FRMD3: variants seen among roughly 807,000 people sequenced by gnomAD.
FRMD3 encodes FERM domain containing 3, also known as FERM domain-containing protein 3.
In FRMD3, 33 loss-of-function variants were observed where a neutral mutation model predicts 70.2. That is an observed-to-expected ratio of 0.47 (90% CI 0.36 to 0.63). The LOEUF (loss-of-function observed/expected upper bound fraction) is 0.63, where lower values mean the gene tolerates loss of function less well. Among genes scored for constraint, FRMD3 ranks in the 20% least tolerant of loss-of-function variants. The probability of loss-of-function intolerance (pLI) is 0.00; values close to 1 mark genes in which losing one functional copy is unlikely to be tolerated. For missense variants in FRMD3, 632 were observed against 711.4 expected, an observed-to-expected ratio of 0.89 and a Z score of 1.27; for synonymous variants, 279 against 255.9, an observed-to-expected ratio of 1.09 and a Z score of -0.86.
intron 3 of FRMD3, among the ~76,000 whole-genome samples, chr9:83,362,868 CTCCT>C (rs1404662602): frequency 1.7e-5 from 2 of 119,026 alleles, no homozygotes; most frequent in East Asian, 7.2e-4. Flanking sequence ...CCTTCCCTCC[CTCCT>C]TCCTTCCCTC....
chr9:83,315,477 A>T (rs753726477), intron 6 of FRMD3, among the ~76,000 whole-genome samples: 1 of 152,068 alleles, frequency 6.6e-6, no homozygotes, highest in Non-Finnish European at 1.5e-5. Flanking sequence ...TGATTGGATC[A>T]TGGGGGCAGA....
At chr9:83,376,658 C>G (rs1217433027) in intron 2 of FRMD3, among the ~76,000 whole-genome samples, 3 of 139,868 alleles carry the variant, frequency 2.1e-5, no homozygotes, top group Non-Finnish European at 4.6e-5. Context: ...CCAGGCTTGT[C>G]TCAAAAGCCT....
chr9:83,316,159 T>TC (rs1457268776), intron 6 of FRMD3, among the ~76,000 whole-genome samples: 234 of 125,318 alleles, frequency 1.9e-3, no homozygotes, highest in African/African-American at 8.7e-3. Flanking sequence ...TTTTTTTTTT[T>TC]TCTTTTTTTT....
the FRMD3 span, among the ~76,000 whole-genome samples, chr9:83,557,250 A>G: frequency 6.6e-6 from 1 of 152,208 alleles, no homozygotes; most frequent in African/African-American, 2.4e-5. Flanking sequence ...GCGCCATGCA[A>G]ACTACACCAT....
At chr9:83,343,090 G>T in intron 5 of FRMD3, 100 bp downstream of exon 5, 1 of 835,836 alleles carries the variant, frequency 1.2e-6, no homozygotes, top group South Asian at 1.4e-5. Flanking sequence ...TCCAGCCACA[G>T]ACACAGGCAG....
intron 1 of FRMD3, among the ~76,000 whole-genome samples, chr9:83,490,670 A>G (rs1564101955): frequency 1.3e-5 from 2 of 152,124 alleles, no homozygotes; most frequent in Non-Finnish European, 1.5e-5. Flanking sequence ...GAAAAACAGA[A>G]TACTTTAGGG....
At chr9:83,301,378 C>T (rs564834098) in intron 10 of FRMD3, among the ~76,000 whole-genome samples, 3 of 152,240 alleles carry the variant, frequency 2.0e-5, no homozygotes, top group East Asian at 1.9e-4. Flanking sequence ...TCACCTCTGC[C>T]CTCTCCCCAT....
At position 83,393,306 on chromosome 9, in the gene FRMD3, A is replaced by G. The variant is rs1331217759; in HGVS notation, c.148-3598T>C. Among the ~76,000 whole-genome samples the G allele has an allele frequency of 3.3e-5, 5 of 152,214 alleles. No homozygotes were observed. The East Asian group carries it at 7.7e-4, about 23-fold the overall frequency. ...CAATATTTTTAATGTGTTAAAATCT[A>G]TAAGCCAATGCTAGCCAAGATGTGA... On this transcript the variant is annotated intron_variant, in intron 1 of 13. Transcript: ENST00000304195.
intron 6 of FRMD3, among the ~76,000 whole-genome samples, chr9:83,330,337 A>C (rs10867993): frequency 0.19 from 26,018 of 134,790 alleles, 2,351 homozygotes; most frequent in Middle Eastern, 0.25. Context: ...AAAAAAAAAA[A>C]CAAAAAAAAC....
At chr9:83,509,807 A>G (rs1829296860) in intron 1 of FRMD3, among the ~76,000 whole-genome samples, 1 of 152,016 alleles carries the variant, frequency 6.6e-6, no homozygotes, top group Non-Finnish European at 1.5e-5. Context: ...ACACACACAC[A>G]GTTCCAAAGA....
At chr9:83,258,469 G>A (rs1163434551) in intron 13 of FRMD3, among the ~76,000 whole-genome samples, 1 of 152,224 alleles carries the variant, frequency 6.6e-6, no homozygotes, top group Non-Finnish European at 1.5e-5. Flanking sequence ...TTGCCTGTGG[G>A]TGATGATCTC....
intron 1 of FRMD3, among the ~76,000 whole-genome samples, chr9:83,458,219 A>T (rs1167490116): frequency 6.6e-6 from 1 of 152,200 alleles, no homozygotes; most frequent in Non-Finnish European, 1.5e-5. Flanking sequence ...CAAGAATGAA[A>T]ATGGACAGGG....
chr9:83,583,606 C>CTT, the FRMD3 span, among the ~76,000 whole-genome samples: 1 of 151,978 alleles, frequency 6.6e-6, no homozygotes, highest in Non-Finnish European at 1.5e-5. Context: ...GATACAATCC[C>CTT]TTGTTGAAAA....
the FRMD3 span, among the ~76,000 whole-genome samples, chr9:83,559,404 T>C: frequency 6.6e-6 from 1 of 152,228 alleles, no homozygotes. Context: ...TTTAATAGAC[T>C]ACAGTATTCT....
chr9:83,506,543 T>A (rs1420748638), intron 1 of FRMD3, among the ~76,000 whole-genome samples: 2 of 152,104 alleles, frequency 1.3e-5, no homozygotes, highest in Admixed American at 6.5e-5. Flanking sequence ...AAAATCGACT[T>A]AAAATGGCTC....
chr9:83,568,039 G>A, the FRMD3 span, among the ~76,000 whole-genome samples: 3 of 152,190 alleles, frequency 2.0e-5, no homozygotes, highest in African/African-American at 4.8e-5. Context: ...CTGAGACTGA[G>A]AAGAATAAGA....
chr9:83,578,903 C>CAT, the FRMD3 span, among the ~76,000 whole-genome samples: 1 of 151,842 alleles, frequency 6.6e-6, no homozygotes, highest in East Asian at 1.9e-4. Flanking sequence ...ATGACATGAT[C>CAT]ATATATATAG....
intron 3 of FRMD3, among the ~76,000 whole-genome samples, chr9:83,362,507 C>A (rs901671399): frequency 1.3e-5 from 2 of 152,178 alleles, no homozygotes; most frequent in African/African-American, 4.8e-5. Flanking sequence ...CCCTGATTTG[C>A]ATGCAGAAGC....
chr9:83,386,145 T>G (rs3860912), intron 2 of FRMD3, among the ~76,000 whole-genome samples: 112,508 of 152,108 alleles, frequency 0.74, 42,038 homozygotes, highest in African/African-American at 0.81. Flanking sequence ...GAGACTCAGA[T>G]AGGCTGCATA....
Sources: allele counts gnomAD v4.1 joint callset (sites outside exome capture counted in the v4.1 genomes callset), GRCh38; gene constraint gnomAD v4.1.1; transcripts MANE v1.5; gene names NCBI Gene and HGNC (gene_info 2026-07-23, HGNC 2026-07-21).